CDH12: variants seen among roughly 807,000 people sequenced by gnomAD.
CDH12 encodes the protein cadherin 12.
CDH12 carries 41 observed loss-of-function variants against 74.1 expected under a neutral mutation model. The ratio of observed to expected loss-of-function variants is 0.55; its 90% confidence interval spans 0.43 to 0.72. CDH12 has a LOEUF of 0.72. CDH12 is among the 30% of genes least tolerant of loss of function. CDH12 has a pLI of 0.00. For synonymous variants in CDH12, 399 were observed against 355.0 expected (o/e 1.12, Z -1.39); for missense variants, 945 against 977.2 (o/e 0.97, Z 0.44).
chr5:22,773,965 T>A (rs1363297001), intron 1 of CDH12, among the ~76,000 whole-genome samples: 1 of 152,060 alleles, frequency 6.6e-6, no homozygotes, highest in Admixed American at 6.6e-5. Flanking sequence ...AAATGGCTAG[T>A]TATTAAAATG....
At chr5:22,730,612 C>T (rs1035526451) in intron 1 of CDH12, among the ~76,000 whole-genome samples, 1 of 151,810 alleles carries the variant, frequency 6.6e-6, no homozygotes, top group Admixed American at 6.6e-5. Context: ...ACTCAGAAAA[C>T]AGCACAAAAG....
chr5:21,934,256 A>G (rs763459573), intron 6 of CDH12, among the ~76,000 whole-genome samples: 14 of 152,194 alleles, frequency 9.2e-5, no homozygotes, highest in Non-Finnish European at 1.6e-4. Context: ...CAGAGTTTTC[A>G]TGAATAGTTC....
intron 2 of CDH12, among the ~76,000 whole-genome samples, chr5:22,427,388 G>T (rs993047812): frequency 1.3e-5 from 2 of 152,054 alleles, no homozygotes; most frequent in African/African-American, 4.8e-5. Context: ...GGCTGGTCTT[G>T]ATCTCTTGAC....
chr5:21,917,203 T>C (rs896909607), intron 6 of CDH12, among the ~76,000 whole-genome samples: 2 of 152,126 alleles, frequency 1.3e-5, no homozygotes, highest in Non-Finnish European at 2.9e-5. Flanking sequence ...TTGAGGGACA[T>C]GGGGAGACAA....
At chr5:22,326,360 C>A (rs867601821) in intron 3 of CDH12, among the ~76,000 whole-genome samples, 1 of 152,178 alleles carries the variant, frequency 6.6e-6, no homozygotes, top group Admixed American at 6.5e-5. Flanking sequence ...CTCAGCCTCC[C>A]GAGTAGCTGG....
intron 4 of CDH12, among the ~76,000 whole-genome samples, chr5:22,099,115 T>TA (rs1206448460): frequency 1.3e-5 from 2 of 152,138 alleles, no homozygotes; most frequent in Admixed American, 1.3e-4. Context: ...CCTCTTAGTC[T>TA]AGGTAGACAC....
At chr5:22,457,281 G>T (rs1459962978) in intron 2 of CDH12, among the ~76,000 whole-genome samples, 1 of 152,118 alleles carries the variant, frequency 6.6e-6, no homozygotes, top group Non-Finnish European at 1.5e-5. Flanking sequence ...AGTTCTGGAA[G>T]GTAGAAGTCT....
intron 3 of CDH12, among the ~76,000 whole-genome samples, chr5:22,218,280 AAAC>A (rs375120570): frequency 1.8e-4 from 27 of 151,864 alleles, no homozygotes; most frequent in African/African-American, 5.8e-4. Context: ...ATTTCCATTC[AAAC>A]AACTAGACAC....
chr5:22,336,779 T>C (rs762122298), intron 3 of CDH12, among the ~76,000 whole-genome samples: 5 of 152,134 alleles, frequency 3.3e-5, no homozygotes, highest in Admixed American at 6.5e-5. Context: ...GCTAGGGCAG[T>C]GTGGAAGGGA....
At chr5:21,816,169 C>T (rs1053061592) in intron 9 of CDH12, among the ~76,000 whole-genome samples, 3 of 152,054 alleles carry the variant, frequency 2.0e-5, no homozygotes, top group Non-Finnish European at 2.9e-5. Context: ...GCAATACCAG[C>T]CCCTCCTCTT....
chr5:22,231,637 C>A (rs763779963), intron 3 of CDH12, among the ~76,000 whole-genome samples: 1 of 151,920 alleles, frequency 6.6e-6, no homozygotes, highest in Non-Finnish European at 1.5e-5. Context: ...CTCTTCCTCC[C>A]TGTAGAGGTA....
In CDH12 at chr5:21,827,814, A is replaced by G. The variant is rs561749346; in HGVS notation, c.815-10682T>C. Reference sequence around the variant, plus strand: ...TATATAATCACTATTCTTGTTACACAATAATAAACATGACGGCAATTTTGG... The same window carrying G: ...TATATAATCACTATTCTTGTTACACGATAATAAACATGACGGCAATTTTGG... On this transcript the variant is annotated intron_variant, in intron 8 of 14. Transcript: ENST00000382254. 5.3e-4 allele frequency among the ~76,000 whole-genome samples: 80 copies of G among 152,292 alleles called. 4 individuals are homozygous for G. The South Asian group carries it at 9.9e-3, about 19-fold the overall frequency.
intron 1 of CDH12, among the ~76,000 whole-genome samples, chr5:22,623,476 G>GA (rs1561535142): frequency 6.6e-6 from 1 of 152,052 alleles, no homozygotes; most frequent in Non-Finnish European, 1.5e-5. Flanking sequence ...TCTCAGGATA[G>GA]AAAATCAATG....
chr5:22,337,232 C>T (rs891524911), intron 3 of CDH12, among the ~76,000 whole-genome samples: 3 of 152,138 alleles, frequency 2.0e-5, no homozygotes, highest in African/African-American at 7.2e-5. Flanking sequence ...ATTTTACAGG[C>T]TCATAGGCAG....
At chr5:22,035,642 G>T (rs370586336) in intron 5 of CDH12, among the ~76,000 whole-genome samples, 25 of 151,120 alleles carry the variant, frequency 1.7e-4, no homozygotes, top group African/African-American at 6.1e-4. Context: ...CCCCAATTTA[G>T]AATGTAATAT....
chr5:22,530,562 T>C (rs1737543253), intron 1 of CDH12, among the ~76,000 whole-genome samples: 1 of 152,048 alleles, frequency 6.6e-6, no homozygotes, highest in Non-Finnish European at 1.5e-5. Context: ...TGAAAGATAA[T>C]AGCTATATTT....
intron 2 of CDH12, among the ~76,000 whole-genome samples, chr5:22,493,494 A>G (rs1396549183): frequency 6.6e-6 from 1 of 151,746 alleles, no homozygotes; most frequent in Non-Finnish European, 1.5e-5. Flanking sequence ...CATGCTACGC[A>G]CTCTACTTGG....
chr5:22,816,537 T>C (rs1006392724), intron 1 of CDH12, among the ~76,000 whole-genome samples: 2 of 152,172 alleles, frequency 1.3e-5, no homozygotes, highest in African/African-American at 4.8e-5. Flanking sequence ...GGAAAGTATC[T>C]ACTTTTCTTG....
intron 6 of CDH12, among the ~76,000 whole-genome samples, chr5:21,889,155 C>G (rs1257115291): frequency 1.3e-5 from 2 of 152,044 alleles, no homozygotes; most frequent in Non-Finnish European, 2.9e-5. Context: ...ATATTTTATA[C>G]TTAAACTGAG....
Sources: gnomAD v4.1 joint callset for allele counts (sites outside exome capture counted in the v4.1 genomes callset) on GRCh38, gnomAD v4.1.1 for gene constraint, MANE v1.5 for transcripts, NCBI Gene and HGNC (gene_info 2026-07-23, HGNC 2026-07-21) for gene names.